Variants in CBLB observed in about 807,000 individuals in gnomAD.
CBLB encodes E3 ubiquitin-protein ligase CBL-B.
A neutral mutation model predicts 104.9 loss-of-function variants in CBLB; 31 were observed. The observed-to-expected ratio is 0.30, with a 90% CI of 0.22 to 0.40. The LOEUF (loss-of-function observed/expected upper bound fraction) is 0.40. CBLB is among the 10% of genes least tolerant of loss of function. The probability of loss-of-function intolerance (pLI) is 1.00; values close to 1 mark genes in which losing one functional copy is unlikely to be tolerated. For synonymous variants in CBLB, 440 were observed against 422.6 expected (o/e 1.04, Z -0.51); for missense variants, 1,062 against 1,214.6 (o/e 0.87, Z 1.87).
chr3:105,773,153 A>G (rs112389214), intron 4 of CBLB, among the ~76,000 whole-genome samples: 2,663 of 152,336 alleles, frequency 0.017, 71 homozygotes, highest in African/African-American at 0.06. Context: ...ACATAGACCA[A>G]CAAGCGGATA....
intron 2 of CBLB, among the ~76,000 whole-genome samples, chr3:105,863,368 A>G (rs1171948848): frequency 2.4e-4 from 37 of 152,212 alleles, no homozygotes; most frequent in Admixed American, 2.4e-3. Flanking sequence ...ACCACAACCC[A>G]TGATTCTGCT....
chr3:105,675,410 T>C (rs2065491418), intron 17 of CBLB, among the ~76,000 whole-genome samples: 1 of 152,206 alleles, frequency 6.6e-6, no homozygotes, highest in Non-Finnish European at 1.5e-5. Flanking sequence ...TACATTTCTT[T>C]AGACAGTATA....
intron 2 of CBLB, among the ~76,000 whole-genome samples, chr3:105,863,891 A>G (rs556860424): frequency 1.2e-4 from 18 of 152,180 alleles, no homozygotes; most frequent in Non-Finnish European, 2.5e-4. Context: ...CTAAGCATCC[A>G]TGTATGCTCA....
intron 3 of CBLB, among the ~76,000 whole-genome samples, chr3:105,789,937 A>G (rs2081451754): frequency 6.6e-6 from 1 of 152,140 alleles, no homozygotes; most frequent in Non-Finnish European, 1.5e-5. Flanking sequence ...CTGACCTTTC[A>G]TTACAATACT....
intron 17 of CBLB, among the ~76,000 whole-genome samples, chr3:105,674,910 T>C (rs895739454): frequency 6.6e-6 from 1 of 152,178 alleles, no homozygotes; most frequent in African/African-American, 2.4e-5. Flanking sequence ...CTGCCTCTGC[T>C]TGCCCTGCCC....
At position 105,846,214 on chromosome 3, in the gene CBLB, C is replaced by CT. The variant is rs76303317; in HGVS notation, c.419+7199dup. ...AAATATTTTCTACTTGCAATTGGTC[C>CT]TTTGTCCTCATCAAATTCAAAATAA... On this transcript the variant is annotated intron_variant, in intron 3 of 18. Coordinates refer to ENST00000394030, the MANE Select transcript of CBLB (RefSeq NM_170662.5). Among the ~76,000 whole-genome samples, 1,030 of 151,960 alleles carry CT rather than the reference C, an allele frequency of 6.8e-3. 31 individuals carry two copies. The highest frequency in any genetic ancestry group is 0.055 in the East Asian group (283 of 5,176).
At chr3:105,681,702 G>T (rs1263778885) in intron 15 of CBLB, 22 bp downstream of exon 15, 1 of 1,597,982 alleles carries the variant, frequency 6.3e-7, no homozygotes, top group African/African-American at 1.3e-5. Flanking sequence ...ACATCACAAA[G>T]GAAATTATAT....
intron 3 of CBLB, among the ~76,000 whole-genome samples, chr3:105,823,311 A>C (rs1168936085): frequency 2.6e-5 from 4 of 152,116 alleles, no homozygotes; most frequent in Admixed American, 2.6e-4. Context: ...GCCTAATCTC[A>C]TAGATGCTTC....
At position 105,854,213 on chromosome 3, in the gene CBLB, C is replaced by T. The variant is rs114758804; in HGVS notation, c.169-549G>A. 5.1e-3 allele frequency among the ~76,000 whole-genome samples: 779 copies of T among 152,262 alleles called. 5 individuals carry two copies. Among genetic ancestry groups the T allele is most frequent in the African/African-American group, 0.018 (762 of 41,534 alleles). ...GTCAGAACCAGTCTTTTCCACCTCCCCATACTGTCTACCACGCCTATAAAC... is the reference window on the plus strand; with the variant it reads ...GTCAGAACCAGTCTTTTCCACCTCCTCATACTGTCTACCACGCCTATAAAC... On this transcript the variant is annotated intron_variant, in intron 2 of 18. Transcript: ENST00000394030.
intron 9 of CBLB, among the ~76,000 whole-genome samples, chr3:105,722,198 C>CAAA (rs5851468): frequency 1.1e-3 from 95 of 84,370 alleles, no homozygotes; most frequent in South Asian, 4.0e-3. Flanking sequence ...GACCCCGTGC[C>CAAA]AAAAAAAAAA....
intron 3 of CBLB, among the ~76,000 whole-genome samples, chr3:105,804,520 CAA>C (rs201528644): frequency 9.2e-6 from 1 of 108,560 alleles, no homozygotes. Flanking sequence ...GACTCTGTCT[CAA>C]AAAAAAAAAA....
chr3:105,761,214 G>A (rs897900773), intron 4 of CBLB, among the ~76,000 whole-genome samples: 38 of 152,102 alleles, frequency 2.5e-4, no homozygotes, highest in Non-Finnish European at 1.0e-4. Flanking sequence ...TGTATTTTTT[G>A]TAGAGACAGA....
In CBLB at chr3:105,658,797, G is replaced by T; in HGVS notation, c.*173C>A. On this transcript the variant is annotated 3_prime_UTR_variant, in exon 19 of 19. Transcript: ENST00000394030. ...CAAAAACAAGGAAGCCACAGCTGTC[G>T]ACATCCTGAGCAAGCATCGGTCTCC... 1 of 671,774 alleles carries T rather than the reference G, an allele frequency of 1.5e-6. No individual in the cohort carries two copies. Among genetic ancestry groups the T allele is most frequent in the Non-Finnish European group, 2.5e-6 (1 of 392,850 alleles). The allele number at this position is 671,774 out of a possible 1,614,324, so 41.6% of individuals were successfully genotyped here. A position where few individuals can be genotyped will look rare whatever the true frequency, so the allele number is the denominator to read the frequency against.
intron 3 of CBLB, among the ~76,000 whole-genome samples, chr3:105,812,123 C>T (rs1560355666): frequency 6.6e-6 from 1 of 152,136 alleles, no homozygotes; most frequent in Admixed American, 6.5e-5. Flanking sequence ...CATATTACTG[C>T]TTTGCTGCTA....
chr3:105,780,653 G>GTTTTTTTTTT (rs1245925965), intron 3 of CBLB, among the ~76,000 whole-genome samples: 2 of 84,688 alleles, frequency 2.4e-5, no homozygotes, highest in Non-Finnish European at 2.6e-5. Flanking sequence ...TAAAAGTTTT[G>GTTTTTTTTTT]TTTTTTGTTT....
intron 3 of CBLB, among the ~76,000 whole-genome samples, chr3:105,818,099 AAC>A (rs1168503659): frequency 1.3e-5 from 2 of 152,160 alleles, no homozygotes; most frequent in Admixed American, 6.5e-5. Flanking sequence ...CTGTTTCAAA[AAC>A]ACCACAAATT....
chr3:105,863,912 T>C (rs779918676), intron 2 of CBLB, among the ~76,000 whole-genome samples: 5 of 152,210 alleles, frequency 3.3e-5, no homozygotes, highest in Admixed American at 2.0e-4. Context: ...GTACATTTAG[T>C]ATCTATTAGA....
At chr3:105,732,327 T>A (rs546327909) in intron 9 of CBLB, among the ~76,000 whole-genome samples, 9 of 152,342 alleles carry the variant, frequency 5.9e-5, no homozygotes, top group Admixed American at 3.3e-4. Flanking sequence ...TGCAGAACTA[T>A]TACTGTTAAT....
intron 3 of CBLB, among the ~76,000 whole-genome samples, chr3:105,837,736 AAAT>A (rs2088786457): frequency 6.6e-6 from 1 of 152,204 alleles, no homozygotes; most frequent in African/African-American, 2.4e-5. Context: ...ATTAAAACAT[AAAT>A]AATAATGATA....
Sources: gnomAD v4.1 joint callset for allele counts (sites outside exome capture counted in the v4.1 genomes callset) on GRCh38, gnomAD v4.1.1 for gene constraint, MANE v1.5 for transcripts, NCBI Gene and HGNC (gene_info 2026-07-23, HGNC 2026-07-21) for gene names.